The following DNAH8 variants were observed in gnomAD, a reference collection of about 807,000 sequenced individuals.
DNAH8 encodes the protein dynein axonemal heavy chain 8.
In DNAH8, 382 loss-of-function variants were observed where a neutral mutation model predicts 562.1. That is an observed-to-expected ratio of 0.68 (90% CI 0.63 to 0.74). The LOEUF is 0.74. Ranked by LOEUF, DNAH8 falls within the 30% of genes least tolerant of loss-of-function variation. DNAH8 has a pLI of 0.00. For synonymous variants in DNAH8, 1,881 were observed against 1,919.4 expected, an observed-to-expected ratio of 0.98 and a Z score of 0.52; for missense variants, 5,203 against 5,620.4, an observed-to-expected ratio of 0.93 and a Z score of 2.37.
chr6:38,832,661 A>G (rs577837219), intron 31 of DNAH8, among the ~76,000 whole-genome samples: 2 of 152,316 alleles, frequency 1.3e-5, no homozygotes, highest in South Asian at 2.1e-4. Context: ...GGCCACACAT[A>G]AAATACGCTA....
intron 18 of DNAH8, among the ~76,000 whole-genome samples, chr6:38,787,355 G>A (rs2127650108): frequency 6.6e-6 from 1 of 152,154 alleles, no homozygotes; most frequent in Admixed American, 6.5e-5. Flanking sequence ...GGGCAAAAAG[G>A]AGCATTATTT....
chr6:38,818,553 A>AAAAAAAAAG (rs1772509274), intron 26 of DNAH8, among the ~76,000 whole-genome samples: 1 of 150,642 alleles, frequency 6.6e-6, no homozygotes, highest in Non-Finnish European at 1.5e-5. Flanking sequence ...AAAAAAAAAA[A>AAAAAAAAAG]GAAGATATGG....
At chr6:38,900,454 A>T (rs568921458) in intron 62 of DNAH8, among the ~76,000 whole-genome samples, 1 of 152,248 alleles carries the variant, frequency 6.6e-6, no homozygotes, top group African/African-American at 2.4e-5. Flanking sequence ...GTACACATCT[A>T]GAGTTAAAAT....
intron 8 of DNAH8, chr6:38,744,318 A>G (rs1409166277): frequency 6.6e-6 from 1 of 152,162 alleles, no homozygotes; most frequent in Admixed American, 6.5e-5. Flanking sequence ...GTGCTGATCA[A>G]TAGTGGGATC....
At chr6:39,022,497 C>T (rs1049817334) in intron 91 of DNAH8, among the ~76,000 whole-genome samples, 7 of 152,212 alleles carry the variant, frequency 4.6e-5, no homozygotes, top group African/African-American at 1.4e-4. Context: ...TTCCCACCTG[C>T]AGGCAGGAGG....
At chr6:38,848,043 C>T (rs954867379) in intron 36 of DNAH8, among the ~76,000 whole-genome samples, 8 of 152,122 alleles carry the variant, frequency 5.3e-5, no homozygotes, top group African/African-American at 1.2e-4. Context: ...TGTAAGTGAA[C>T]ATCAGACTTC....
chr6:38,753,094 A>G (rs949927283), intron 9 of DNAH8, among the ~76,000 whole-genome samples: 1 of 152,072 alleles, frequency 6.6e-6, no homozygotes, highest in African/African-American at 2.4e-5. Flanking sequence ...CTTCCTCCCC[A>G]CCAAGAATTA....
rs1454290575 is a variant in DNAH8 at position 39,030,384 on chromosome 6, A to C, written c.14116A>C (p.Ile4706Leu). The C allele has an allele frequency of 6.2e-7, 1 of 1,613,652 alleles. No homozygotes were observed. Among genetic ancestry groups the C allele is most frequent in the East Asian group, 2.2e-5 (1 of 44,878 alleles). Residue 4706 changes from isoleucine (I) to leucine (L), a missense_variant, in exon 93 of 93, where the codon ATC (isoleucine) becomes CTC (leucine). Physicochemically the swap from Ile to Leu is conservative, Grantham distance 5. Coordinates refer to ENST00000327475, the MANE Select transcript of DNAH8 (RefSeq NM_001206927.2). ...GAGAGGAGTGGCCCTTTTGTGTGAC[A>C]TCAAGTAAGTTCATTTCCATCTGCT... ...ILRGVALLCD[I>L]K
intron 80 of DNAH8, among the ~76,000 whole-genome samples, chr6:38,948,939 T>G (rs1761653882): frequency 6.6e-6 from 1 of 152,126 alleles, no homozygotes; most frequent in Non-Finnish European, 1.5e-5. Flanking sequence ...GAGATCAACA[T>G]TTAGAGGTTG....
intron 71 of DNAH8, among the ~76,000 whole-genome samples, chr6:38,922,130 GGGAT>G (rs1781758409): frequency 6.6e-6 from 1 of 151,452 alleles, no homozygotes; most frequent in Non-Finnish European, 1.5e-5. Flanking sequence ...CAGGTCACAG[GGGAT>G]ATGATGGCTT....
rs554496701 is a variant in DNAH8 at position 38,842,914 on chromosome 6, G to T, written c.4845+11G>T. 3 of 1,609,686 alleles carry T rather than the reference G, an allele frequency of 1.9e-6. No individual in the cohort carries two copies. The African/African-American group carries it at 4.0e-5, about 22-fold the overall frequency. ...AAGGATGATATTGAGGTACATAAGTGTATACGTTCTTATCAATGATCCATT... is the reference window on the plus strand; with the variant it reads ...AAGGATGATATTGAGGTACATAAGTTTATACGTTCTTATCAATGATCCATT... On this transcript the variant is annotated intron_variant, in intron 35 of 92. Transcript: ENST00000327475.
chr6:38,722,403 C>T (rs1762823229), intron 1 of DNAH8, among the ~76,000 whole-genome samples: 1 of 152,106 alleles, frequency 6.6e-6, no homozygotes, highest in South Asian at 2.1e-4. Context: ...ACAGTCTGTC[C>T]TCTAATTCAG....
intron 13 of DNAH8, among the ~76,000 whole-genome samples, chr6:38,777,927 AT>A (rs1227327627): frequency 6.6e-6 from 1 of 152,198 alleles, no homozygotes; most frequent in Non-Finnish European, 1.5e-5. Context: ...CCTTTTGTAA[AT>A]TCTCTAGATC....
intron 91 of DNAH8, among the ~76,000 whole-genome samples, chr6:39,018,715 C>T (rs555086539): frequency 2.6e-5 from 4 of 152,206 alleles, no homozygotes; most frequent in Admixed American, 6.5e-5. Context: ...TGAATGGGCT[C>T]CTCATGTCAA....
intron 45 of DNAH8, among the ~76,000 whole-genome samples, chr6:38,864,458 T>C (rs896132804): frequency 6.6e-6 from 1 of 152,236 alleles, no homozygotes; most frequent in Non-Finnish European, 1.5e-5. Context: ...TCATGCCACA[T>C]GTCCACTGTG....
At chr6:38,723,614 C>A in intron 3 of DNAH8, 143 bp downstream of exon 3, 1 of 1,075,438 alleles carries the variant, frequency 9.3e-7, no homozygotes, top group African/African-American at 1.6e-5. Flanking sequence ...GTGGCTCATG[C>A]CTGTAATCCC....
At chr6:38,916,241 G>A (rs1781304960) in intron 68 of DNAH8, among the ~76,000 whole-genome samples, 1 of 152,154 alleles carries the variant, frequency 6.6e-6, no homozygotes, top group Non-Finnish European at 1.5e-5. Context: ...ATAGGATTCT[G>A]GAAGAATGGT....
Position 38,949,405 on chromosome 6 carries a change from C to T in DNAH8, c.12130-47C>T, listed in dbSNP as rs766169218. 4.3e-5 allele frequency: 49 copies of T among 1,128,426 alleles called. No individual in the cohort carries two copies. The South Asian group carries it at 6.0e-4, about 14-fold the overall frequency. 69.9% of individuals were successfully genotyped at this position (1,128,426 alleles called of 1,614,324 possible). On this transcript the variant is annotated intron_variant, in intron 80 of 92. Coordinates refer to ENST00000327475, the MANE Select transcript of DNAH8 (RefSeq NM_001206927.2). ...ATTCAGAATCCTTTGTAATATATTC[C>T]ACTTACATATAGTTCTGTGGCTTGC...
In DNAH8 at chr6:38,783,020, T is replaced by C; in HGVS notation, c.2276T>C (p.Leu759Ser). The C allele has an allele frequency of 1.2e-6, 2 of 1,611,432 alleles. No individual in the cohort carries two copies. Among genetic ancestry groups the C allele is most frequent in the Non-Finnish European group, 1.7e-6 (2 of 1,179,350 alleles). Reference sequence around the variant, plus strand: ...AAAAAACAGAAAAACTCAGACATTTTATCAAGTCCGGACGGTAAAGCTGTC... The same window carrying C: ...AAAAAACAGAAAAACTCAGACATTTCATCAAGTCCGGACGGTAAAGCTGTC... ...INYFFKNSDI[L>S]SSPDGKAVIR... The change falls in exon 17 of 93, where the codon TTA becomes TCA. Residue 759 changes from leucine (L) to serine (S), a missense_variant. Around this residue, in one of 6 missense-constraint regions of DNAH8, gnomAD observed 2,176 missense variants for 2,365.1 expected, o/e 0.92. Coordinates refer to ENST00000327475, the MANE Select transcript of DNAH8 (RefSeq NM_001206927.2).
Sources: gnomAD v4.1 joint callset for allele counts (sites outside exome capture counted in the v4.1 genomes callset) on GRCh38, gnomAD v4.1.1 for gene constraint, gnomAD v4.1.1 regional missense constraint, MANE v1.5 for transcripts, NCBI Gene and HGNC (gene_info 2026-07-23, HGNC 2026-07-21) for gene names.